The following ZRANB2 variants were observed in gnomAD, a reference collection of about 807,000 sequenced individuals.
ZRANB2 encodes the protein zinc finger RANBP2-type containing 2.
Under a neutral mutation model 53.4 loss-of-function variants are expected in ZRANB2, and 19 were observed. The observed-to-expected ratio is 0.36, with a 90% CI of 0.25 to 0.52. The LOEUF is 0.52. Ranked by LOEUF, ZRANB2 falls within the 20% of genes least tolerant of loss-of-function variation. The pLI is 0.93. For missense variants in ZRANB2, 309 were observed against 401.1 expected, an observed-to-expected ratio of 0.77 and a Z score of 1.96; for synonymous variants, 145 against 134.8, an observed-to-expected ratio of 1.08 and a Z score of -0.52.
Position 71,066,946 on chromosome 1 carries a change from G to A in ZRANB2, c.771-12C>T. 2 of 1,547,642 alleles carry A rather than the reference G, an allele frequency of 1.3e-6. No individual in the cohort carries two copies. The highest frequency in any genetic ancestry group is 1.7e-6 in the Non-Finnish European group (2 of 1,148,514). The stretch of plus-strand genomic sequence containing the variant: ...ACCTGGAGCTGGATCTTCATTGATT[G>A]AGAAACAAATCAAACATTTCATTAA... On this transcript the variant is annotated splice_polypyrimidine_tract_variant and intron_variant, in intron 8 of 9. Coordinates refer to ENST00000370920, the MANE Select transcript of ZRANB2 (RefSeq NM_203350.3).
chr1:71,070,735 AGTTT>A, intron 7 of ZRANB2, 88 bp downstream of exon 7: 1 of 735,174 alleles, frequency 1.4e-6, no homozygotes, highest in East Asian at 2.7e-5. Flanking sequence ...TAAAAAGGAA[AGTTT>A]ATTTCGTCAA....
At chr1:71,065,309 A>G (rs1478689914) in intron 9 of ZRANB2, among the ~76,000 whole-genome samples, 172 bp from the exon 10 acceptor site, 3 of 152,102 alleles carry the variant, frequency 2.0e-5, no homozygotes, top group African/African-American at 7.2e-5. Flanking sequence ...TAGACTTTGG[A>G]TATGAGCCCA....
At chr1:71,065,235 A>G (rs1661396818) in intron 9 of ZRANB2, 98 bp from the exon 10 acceptor site, 3 of 904,408 alleles carry the variant, frequency 3.3e-6, no homozygotes, top group Non-Finnish European at 5.0e-6. Flanking sequence ...ATTCAGTACC[A>G]TGATGCTAGC....
Position 71,068,654 on chromosome 1 carries a change from T to C in ZRANB2, c.770+622A>G, listed in dbSNP as rs139418603. ...CTCTAGTAACTTTATCTGATATAAATGGCAAATTTGTTTCTGAAAATATTG... is the reference window on the plus strand; with the variant it reads ...CTCTAGTAACTTTATCTGATATAAACGGCAAATTTGTTTCTGAAAATATTG... On this transcript the variant is annotated intron_variant, in intron 8 of 9. Transcript: ENST00000370920. 3.0e-4 allele frequency among the ~76,000 whole-genome samples: 46 copies of C among 152,286 alleles called. 1 individual carries two copies. In the East Asian group the frequency reaches 8.7e-3, roughly 29 times the overall value.
At chr1:71,066,493 A>C in intron 9 of ZRANB2, 1 of 271,922 alleles carries the variant, frequency 3.7e-6, no homozygotes, top group Non-Finnish European at 6.8e-6. Flanking sequence ...TCTGAATTGC[A>C]ATCTCAAAAG....
At chr1:71,071,487 T>C (rs1273936126) in intron 6 of ZRANB2, among the ~76,000 whole-genome samples, 1 of 152,142 alleles carries the variant, frequency 6.6e-6, no homozygotes, top group African/African-American at 2.4e-5. Context: ...ATTTCTTTAG[T>C]TGCATTCCAA....
chr1:71,074,742 T>C (rs1661670304), intron 4 of ZRANB2, among the ~76,000 whole-genome samples: 1 of 41,584 alleles, frequency 2.4e-5, no homozygotes, highest in African/African-American at 8.0e-5. Flanking sequence ...TTTGATGGAA[T>C]TATGCAGGAT....
chr1:71,073,143 A>G (rs1374990084), intron 4 of ZRANB2, among the ~76,000 whole-genome samples: 2 of 152,120 alleles, frequency 1.3e-5, no homozygotes, highest in African/African-American at 4.8e-5. Flanking sequence ...TTTGAAATTA[A>G]ATGATTCTAT....
chr1:71,071,030 A>T (rs912588733), intron 6 of ZRANB2, 34 bp from the exon 7 acceptor site: 2 of 1,490,166 alleles, frequency 1.3e-6, no homozygotes, highest in Non-Finnish European at 1.8e-6. Flanking sequence ...AGACATTTAG[A>T]TATTAGTGTT....
intron 4 of ZRANB2, 147 bp downstream of exon 4, chr1:71,076,648 G>C (rs1417484737): frequency 6.1e-6 from 4 of 657,606 alleles, no homozygotes; most frequent in Non-Finnish European, 1.1e-5. Flanking sequence ...TGTGTATGGG[G>C]GGAAAAAAAT....
At chr1:71,069,489 A>G in intron 7 of ZRANB2, 127 bp from the exon 8 acceptor site, 2 of 531,322 alleles carry the variant, frequency 3.8e-6, no homozygotes, top group South Asian at 3.5e-5. Flanking sequence ...CAAGATATAT[A>G]CTTTCAAAAC....
intron 7 of ZRANB2, 178 bp from the exon 8 acceptor site, chr1:71,069,540 A>G (rs980179954): frequency 3.0e-5 from 13 of 432,930 alleles, no homozygotes; most frequent in African/African-American, 2.7e-4. Context: ...ACAAAAGGTA[A>G]TTAAAAAAAT....
At chr1:71,078,396 CAAG>C (rs10574763) in intron 3 of ZRANB2, 58 bp downstream of exon 3, 267,370 of 1,423,860 alleles carry the variant, frequency 0.19, 27,833 homozygotes, top group Admixed American at 0.34. Flanking sequence ...GTAATATAAA[CAAG>C]TAGTGGCCAG....
Position 71,066,879 on chromosome 1 carries a change from T to A in ZRANB2, c.826A>T (p.Ser276Cys). 2.5e-6 allele frequency: 4 copies of A among 1,607,772 alleles called. No individual in the cohort carries two copies. The highest frequency in any genetic ancestry group is 2.5e-6 in the Non-Finnish European group (3 of 1,177,430). The stretch of plus-strand genomic sequence containing the variant: ...TTCCTCTCAGGAGAAGATGATGAAC[T>A]TGAATAAGATCTTTTTCGTGGGGAA... ...SSSPRKRSYS[S>C]SSSSPERNRK... Residue 276 changes from serine (S) to cysteine (C), a missense_variant, in exon 9 of 10, where the codon AGT becomes TGT. This residue lies in a region of ZRANB2 where 211 missense variants were observed against 196.1 expected (regional missense o/e 1.08). Transcript: ENST00000370920.
chr1:71,066,111 T>C (rs17090783), intron 9 of ZRANB2: 5,337 of 171,482 alleles, frequency 0.031, 295 homozygotes, highest in African/African-American at 0.12. Flanking sequence ...AAAATGACTA[T>C]ATAATTGGGA....
At chr1:71,078,400 T>C in intron 3 of ZRANB2, 57 bp downstream of exon 3, 3 of 1,397,908 alleles carry the variant, frequency 2.1e-6, no homozygotes, top group South Asian at 1.2e-5. Flanking sequence ...TATAAACAAG[T>C]AGTGGCCAGA....
At chr1:71,079,366 T>C (rs1463687431) in intron 1 of ZRANB2, among the ~76,000 whole-genome samples, 3 of 152,118 alleles carry the variant, frequency 2.0e-5, no homozygotes, top group African/African-American at 4.8e-5. Flanking sequence ...AACTCAAACC[T>C]AAAGAATTAC....
intron 4 of ZRANB2, among the ~76,000 whole-genome samples, chr1:71,075,010 A>G (rs1661675643): frequency 6.6e-6 from 1 of 152,230 alleles, no homozygotes; most frequent in Non-Finnish European, 1.5e-5. Flanking sequence ...GAAGTTATCA[A>G]ATAAAATTTG....
rs370108422 is a variant in ZRANB2, at chr1:71,065,148, T to C, written c.930-11A>G. On this transcript the variant is annotated splice_polypyrimidine_tract_variant and intron_variant, in intron 9 of 9. Transcript: ENST00000370920. ...GATGACCTGTGGCGTCTGTAAGACA[T>C]AATGGAGAGAGTAGGCATTCTAGTA... 124 of 1,606,380 alleles carry C rather than the reference T, an allele frequency of 7.7e-5. No individual in the cohort carries two copies. Among genetic ancestry groups the C allele is most frequent in the Non-Finnish European group, 1.0e-4 (119 of 1,174,258 alleles).
Sources: gnomAD v4.1 joint callset for allele counts (sites outside exome capture counted in the v4.1 genomes callset) on GRCh38, gnomAD v4.1.1 for gene constraint, gnomAD v4.1.1 regional missense constraint, MANE v1.5 for transcripts, NCBI Gene and HGNC (gene_info 2026-07-23, HGNC 2026-07-21) for gene names.